The following RYR2 variants were observed in gnomAD, a reference collection of about 807,000 sequenced individuals.
The protein encoded by RYR2 is ryanodine receptor 2.
A neutral mutation model predicts 601.1 loss-of-function variants in RYR2; 227 were observed. The ratio of observed to expected loss-of-function variants is 0.38; its 90% CI spans 0.34 to 0.42. RYR2 has a LOEUF of 0.42. Ranked by LOEUF, RYR2 falls within the 10% of genes least tolerant of loss-of-function variation. The probability of loss-of-function intolerance (pLI) is 1.00; values close to 1 mark genes in which losing one functional copy is unlikely to be tolerated. For synonymous variants in RYR2, 2,223 were observed against 2,175.1 expected (o/e 1.02, Z -0.61); for missense variants, 4,646 against 6,156.5 (o/e 0.75, Z 8.21).
chr1:237,323,654 T>C (rs1695864286), intron 2 of RYR2, among the ~76,000 whole-genome samples: 1 of 152,212 alleles, frequency 6.6e-6, no homozygotes, highest in Admixed American at 6.5e-5. Context: ...ATGCTACGAA[T>C]TCACTAGGGA....
chr1:237,496,425 T>A, intron 19 of RYR2, 86 bp from the exon 20 acceptor site: 6 of 1,547,810 alleles, frequency 3.9e-6, no homozygotes, highest in Non-Finnish European at 5.3e-6. Flanking sequence ...TTAAATGAAA[T>A]ACACAAGTGA....
chr1:237,141,948 G>C (rs1467010392), intron 1 of RYR2, among the ~76,000 whole-genome samples: 1 of 152,210 alleles, frequency 6.6e-6, no homozygotes, highest in Non-Finnish European at 1.5e-5. Flanking sequence ...GTAACTTTCA[G>C]TTAACAACTG....
At position 237,788,076 on chromosome 1, in the gene RYR2, C is replaced by T. The variant is rs571824543; in HGVS notation, c.13417C>T (p.Pro4473Ser). ...GCTTCACACACACAGATACGGAGAA[C>T]CAGAAGTGCCAGAGTCAGCATTCTG... ...RQLHTHRYGE[P>S]EVPESAFWKK... Residue 4473 changes from proline (P) to serine (S), a missense_variant, in exon 92 of 105, where the codon CCA becomes TCA. Physicochemically the swap from Pro to Ser is moderately conservative, Grantham distance 74. Around this residue, in one of 17 missense-constraint regions of RYR2, gnomAD observed 364 missense variants for 442.9 expected, o/e 0.82. Coordinates refer to ENST00000366574, the MANE Select transcript of RYR2 (RefSeq NM_001035.3). The T allele has an allele frequency of 1.2e-6, 2 of 1,612,138 alleles. No individual in the cohort carries two copies. Among genetic ancestry groups the T allele is most frequent in the Non-Finnish European group, 1.7e-6 (2 of 1,178,974 alleles).
At chr1:237,545,526 G>T (rs1445721926) in intron 25 of RYR2, among the ~76,000 whole-genome samples, 1 of 152,152 alleles carries the variant, frequency 6.6e-6, no homozygotes, top group Admixed American at 6.5e-5. Flanking sequence ...GATCAAGGCT[G>T]CTGAAAAGTG....
intron 4 of RYR2, among the ~76,000 whole-genome samples, chr1:237,359,249 T>A (rs137928233): frequency 1.5e-4 from 23 of 152,296 alleles, no homozygotes; most frequent in African/African-American, 4.8e-4. Context: ...GTGTTGAATA[T>A]CTCATGTAAT....
chr1:237,809,144 C>T (rs755704640), intron 100 of RYR2, 109 bp downstream of exon 100: 48 of 1,064,008 alleles, frequency 4.5e-5, no homozygotes, highest in Non-Finnish European at 6.4e-5. Flanking sequence ...ATAGTCTAAA[C>T]AAATAAAAAG....
intron 1 of RYR2, among the ~76,000 whole-genome samples, chr1:237,223,577 G>A (rs1684053320): frequency 6.6e-6 from 1 of 152,074 alleles, no homozygotes; most frequent in Non-Finnish European, 1.5e-5. Context: ...GTAATCTTGT[G>A]AGTCACATGA....
chr1:237,647,563 C>T (rs1424179430), intron 48 of RYR2, among the ~76,000 whole-genome samples: 1 of 152,048 alleles, frequency 6.6e-6, no homozygotes, highest in African/African-American at 2.4e-5. Context: ...ATTGACTATA[C>T]GTGGAAACAG....
At position 237,631,436 on chromosome 1, in the gene RYR2, G is replaced by A. The variant is rs1402684087; in HGVS notation, c.6450G>A (p.Met2150Ile). 3 of 1,610,546 alleles carry A rather than the reference G, an allele frequency of 1.9e-6. No individual in the cohort carries two copies. Among genetic ancestry groups the A allele is most frequent in the Non-Finnish European group, 1.7e-6 (2 of 1,177,330 alleles). ...CCATTGTCCTTTCTAGGGATATTATGAATAACAAAGTGTTTTACCAGCACC... is the reference window on the plus strand; with the variant it reads ...CCATTGTCCTTTCTAGGGATATTATAAATAACAAAGTGTTTTACCAGCACC... Reference protein sequence around the residue: ...KLMIRGLGDIMNNKVFYQHPN... With the variant: ...KLMIRGLGDIINNKVFYQHPN... The change falls in exon 42 of 105, where the codon ATG becomes ATA. Residue 2150 changes from methionine (M) to isoleucine (I), a missense_variant. Met to Ile is a conservative substitution (Grantham distance 10, BLOSUM62 1). Around this residue, in one of 17 missense-constraint regions of RYR2, gnomAD observed 137 missense variants for 273.6 expected, o/e 0.50. Transcript: ENST00000366574.
At chr1:237,061,253 CA>C (rs1558163607) in intron 1 of RYR2, among the ~76,000 whole-genome samples, 24 of 75,694 alleles carry the variant, frequency 3.2e-4, no homozygotes, top group South Asian at 1.8e-3. Flanking sequence ...ATCTATCTAT[CA>C]TCTATCTATC....
intron 1 of RYR2, among the ~76,000 whole-genome samples, chr1:237,137,191 T>C (rs1005913661): frequency 6.6e-6 from 1 of 152,148 alleles, no homozygotes; most frequent in African/African-American, 2.4e-5. Context: ...ATTGTGACCA[T>C]GAATTTCAGT....
At chr1:237,633,768 A>G in intron 43 of RYR2, 58 bp downstream of exon 43, 1 of 1,496,188 alleles carries the variant, frequency 6.7e-7, no homozygotes, top group Non-Finnish European at 9.0e-7. Context: ...ATTACATTTA[A>G]AAAGCAAACG....
At chr1:237,710,521 A>G (rs1438397147) in intron 70 of RYR2, among the ~76,000 whole-genome samples, 1 of 152,190 alleles carries the variant, frequency 6.6e-6, no homozygotes, top group Non-Finnish European at 1.5e-5. Context: ...CATTAAAAAC[A>G]TAATCACTCA....
chr1:237,807,078 T>C (rs1345726413), intron 99 of RYR2, among the ~76,000 whole-genome samples: 1 of 152,214 alleles, frequency 6.6e-6, no homozygotes, highest in African/African-American at 2.4e-5. Flanking sequence ...GGGTCCACAG[T>C]TAAGTCCACA....
intron 14 of RYR2, among the ~76,000 whole-genome samples, chr1:237,447,710 G>T (rs952004471): frequency 5.9e-5 from 9 of 151,768 alleles, no homozygotes; most frequent in Non-Finnish European, 1.3e-4. Flanking sequence ...ATACATTTCT[G>T]TTTTTAGTGG....
chr1:237,200,765 G>A (rs670828), intron 1 of RYR2, among the ~76,000 whole-genome samples: 143,922 of 152,268 alleles, frequency 0.95, 68,352 homozygotes, highest in Non-Finnish European at 0.99. Flanking sequence ...AGCATAGTAC[G>A]TTTTCTATAA....
intron 79 of RYR2, among the ~76,000 whole-genome samples, chr1:237,740,010 AT>A (rs1691475782): frequency 6.6e-6 from 1 of 152,134 alleles, no homozygotes; most frequent in Admixed American, 6.6e-5. Flanking sequence ...TATTTAGCTT[AT>A]TCACCTTTTC....
intron 35 of RYR2, among the ~76,000 whole-genome samples, chr1:237,604,737 G>A (rs925135579): frequency 3.3e-5 from 5 of 152,062 alleles, no homozygotes; most frequent in African/African-American, 1.2e-4. Context: ...TGACAAAGGG[G>A]ATATCACCAT....
chr1:237,094,793 G>C (rs1226153448), intron 1 of RYR2, among the ~76,000 whole-genome samples: 1 of 152,108 alleles, frequency 6.6e-6, no homozygotes, highest in Non-Finnish European at 1.5e-5. Flanking sequence ...GGGTTTCACC[G>C]TGTTAGACAG....
Sources: allele counts gnomAD v4.1 joint callset (sites outside exome capture counted in the v4.1 genomes callset), GRCh38; gene constraint gnomAD v4.1.1; regional missense constraint gnomAD v4.1.1; transcripts MANE v1.5; gene names NCBI Gene and HGNC (gene_info 2026-07-23, HGNC 2026-07-21).